Variants in UBXN8 observed in about 807,000 individuals in gnomAD.
UBXN8 encodes UBX domain protein 8, also known as UBX domain-containing protein 8.
Under a neutral mutation model 32.1 loss-of-function variants are expected in UBXN8, and 27 were observed. The observed-to-expected ratio is 0.84, with a 90% CI of 0.62 to 1.16. The LOEUF is 1.16. Ranked by LOEUF, UBXN8 falls within the 50% of genes most tolerant of loss-of-function variation. UBXN8 has a pLI of 0.00. For missense variants in UBXN8, 306 were observed against 311.4 expected (o/e 0.98, Z 0.13); for synonymous variants, 109 against 111.8 (o/e 0.98, Z 0.16).
At chr8:30,761,744 A>G (rs1805837929) in intron 6 of UBXN8, among the ~76,000 whole-genome samples, 1 of 152,090 alleles carries the variant, frequency 6.6e-6, no homozygotes, top group African/African-American at 2.4e-5. Context: ...AAACTAGGCA[A>G]ATGACTTCAA....
chr8:30,753,188 G>C (rs1033928520), intron 3 of UBXN8, 83 bp downstream of exon 3: 1 of 1,360,710 alleles, frequency 7.3e-7, no homozygotes, highest in East Asian at 2.9e-5. Context: ...TGTTGCTTCT[G>C]TCTTGGTGCT....
chr8:30,762,616 C>T (rs1388547912), intron 6 of UBXN8, among the ~76,000 whole-genome samples: 1 of 152,134 alleles, frequency 6.6e-6, no homozygotes, highest in East Asian at 1.9e-4. Context: ...TGGTCACGAA[C>T]TCCTGACCTC....
rs769720435 is a variant in UBXN8 at position 30,760,944 on chromosome 8, C to G, written c.570+15C>G. ...CAGCAGAAGAAGTAAGTCTATTTTT[C>G]TCTTCGAAAATTAAACTTATTTTCT... On this transcript the variant is annotated intron_variant, in intron 6 of 7. Transcript: ENST00000265616. 1 of 1,496,528 alleles carries G rather than the reference C, an allele frequency of 6.7e-7. No homozygotes were observed. The allele number at this position is 1,496,528 out of a possible 1,614,324, so 92.7% of individuals were successfully genotyped here. A position where few individuals can be genotyped will look rare whatever the true frequency, so the allele number is the denominator to read the frequency against.
At chr8:30,757,395 C>T (rs1237151868) in intron 5 of UBXN8, among the ~76,000 whole-genome samples, 2 of 151,370 alleles carry the variant, frequency 1.3e-5, no homozygotes, top group Non-Finnish European at 2.9e-5. Flanking sequence ...ACTAAAAATA[C>T]AAAAAAATTA....
chr8:30,754,256 C>T, intron 3 of UBXN8: 1 of 341,928 alleles, frequency 2.9e-6, no homozygotes, highest in Admixed American at 3.2e-5. Context: ...AAAACAAAAA[C>T]AAAGGATGTT....
At chr8:30,734,755 G>A (rs1327920167) in intron 1 of UBXN8, among the ~76,000 whole-genome samples, 5 of 152,232 alleles carry the variant, frequency 3.3e-5, no homozygotes, top group East Asian at 3.9e-4. Context: ...ACCAGCGTAC[G>A]CAACATAGTA....
At chr8:30,744,663 C>T (rs1805316410) in intron 1 of UBXN8, among the ~76,000 whole-genome samples, 1 of 152,226 alleles carries the variant, frequency 6.6e-6, no homozygotes, top group Non-Finnish European at 1.5e-5. Context: ...TCTCGAACTC[C>T]TGGGTTCAAG....
chr8:30,744,287 A>AT lies in UBXN8; in HGVS notation c.88+10_88+11insT, dbSNP rs745647108. The AT allele has an allele frequency of 5.4e-4, 873 of 1,611,978 alleles. No individual in the cohort carries two copies. Among genetic ancestry groups the AT allele is most frequent in the Admixed American group, 1.5e-3 (90 of 59,670 alleles). On this transcript the variant is annotated intron_variant, in intron 1 of 7. Transcript: ENST00000265616. ...GGGATCCCGGATATAGGTAAGTGTGACTTTTTCCCTTCGACAGTCACAGCT... is the reference window on the plus strand; with the variant it reads ...GGGATCCCGGATATAGGTAAGTGTGATCTTTTTCCCTTCGACAGTCACAGCT...
At chr8:30,759,964 TA>T (rs983177180) in intron 5 of UBXN8, among the ~76,000 whole-genome samples, 27 of 127,974 alleles carry the variant, frequency 2.1e-4, no homozygotes, top group Middle Eastern at 3.6e-3. Context: ...CTCAGAAAAA[TA>T]AATAAATAAA....
chr8:30,732,248 A>G (rs940044034), upstream of UBXN8: 14 of 394,130 alleles, frequency 3.6e-5, no homozygotes, highest in African/African-American at 2.3e-4. Flanking sequence ...TACGTTGATG[A>G]CCTTTTGCTG....
chr8:30,745,005 T>C (rs1805327351), intron 1 of UBXN8, among the ~76,000 whole-genome samples: 2 of 152,190 alleles, frequency 1.3e-5, no homozygotes, highest in Non-Finnish European at 2.9e-5. Context: ...GGGTAGGCAC[T>C]ATTATAATCC....
At chr8:30,750,537 C>A (rs1282438107) in intron 1 of UBXN8, among the ~76,000 whole-genome samples, 1 of 151,852 alleles carries the variant, frequency 6.6e-6, no homozygotes, top group Non-Finnish European at 1.5e-5. Context: ...CTTTGGCAGG[C>A]TGAGGCGGGC....
chr8:30,745,882 G>T (rs1320399566), intron 1 of UBXN8, among the ~76,000 whole-genome samples: 1 of 152,212 alleles, frequency 6.6e-6, no homozygotes, highest in Non-Finnish European at 1.5e-5. Flanking sequence ...TGAGTAGCTA[G>T]GAATACAGGG....
Position 30,756,891 on chromosome 8 carries a change from A to T in UBXN8, c.528+4A>T. The T allele has an allele frequency of 1.2e-6, 2 of 1,613,838 alleles. No individual in the cohort carries two copies. Among genetic ancestry groups the T allele is most frequent in the Non-Finnish European group, 1.7e-6 (2 of 1,179,812 alleles). ...TGAACAGCCCACATGCAAGGAGGTAAAGTACTTCATGCCTCTCATTGAATT... is the reference window on the plus strand; with the variant it reads ...TGAACAGCCCACATGCAAGGAGGTATAGTACTTCATGCCTCTCATTGAATT... On this transcript the variant is annotated splice_donor_region_variant and intron_variant, in intron 5 of 7. Transcript: ENST00000265616.
Position 30,753,100 on chromosome 8 carries a change from G to C in UBXN8, c.277G>C (p.Glu93Gln). Residue 93 changes from glutamate (E) to glutamine (Q), a missense_variant, in exon 3 of 8, where the codon GAG (glutamate) becomes CAG (glutamine). By Grantham distance (29) the Glu-to-Gln change is conservative. Transcript: ENST00000265616. Reference protein sequence around the residue: ...VRKKQQEAQGEKASRYIENVL... With the variant: ...VRKKQQEAQGQKASRYIENVL... ...AAAAAAACAACAAGAAGCACAAGGA[G>C]AGAAGGTAAGGCAGAATTTTTAGAG... is the stretch of plus-strand genomic sequence containing the variant. The C allele has an allele frequency of 1.3e-6, 2 of 1,524,552 alleles. No homozygotes were observed. The highest frequency in any genetic ancestry group is 1.8e-6 in the Non-Finnish European group (2 of 1,138,152). The allele number at this position is 1,524,552 out of a possible 1,614,324, so 94.4% of individuals were successfully genotyped here.
At chr8:30,744,733 G>C (rs555049193) in intron 1 of UBXN8, among the ~76,000 whole-genome samples, 2 of 152,306 alleles carry the variant, frequency 1.3e-5, no homozygotes, top group East Asian at 1.9e-4. Flanking sequence ...CACTGCGCCC[G>C]GCCCTAGGTT....
At chr8:30,764,503 A>G (rs896010337) in intron 7 of UBXN8, among the ~76,000 whole-genome samples, 1 of 152,164 alleles carries the variant, frequency 6.6e-6, no homozygotes, top group Admixed American at 6.6e-5. Context: ...GTTATTTTTT[A>G]TAAGGAACTT....
rs1805290193 is a variant in UBXN8, at chr8:30,744,176, G to A, written c.-14G>A. 1.2e-6 allele frequency: 2 copies of A among 1,610,468 alleles called. No homozygotes were observed. Among genetic ancestry groups the A allele is most frequent in the African/African-American group, 2.7e-5 (2 of 74,904 alleles). ...GGGGCGGGCTTTCCGCCTGCACCAG[G>A]CGCTTCCGCCACCATGGCTTCACGT... On this transcript the variant is annotated 5_prime_UTR_variant, in exon 1 of 8. Coordinates refer to ENST00000265616, the MANE Select transcript of UBXN8 (RefSeq NM_005671.4).
intron 2 of UBXN8, among the ~76,000 whole-genome samples, chr8:30,752,334 G>A (rs1177540682): frequency 6.6e-6 from 1 of 151,924 alleles, no homozygotes; most frequent in Non-Finnish European, 1.5e-5. Context: ...ATTTGAGACA[G>A]AGTCCCGCTC....
Sources: allele counts gnomAD v4.1 joint callset (sites outside exome capture counted in the v4.1 genomes callset), GRCh38; gene constraint gnomAD v4.1.1; transcripts MANE v1.5; gene names NCBI Gene and HGNC (gene_info 2026-07-23, HGNC 2026-07-21).